Variants in FOXN1 observed in about 807,000 individuals in gnomAD.
FOXN1 encodes forkhead box N1, also known as forkhead box protein N1.
Under a neutral mutation model 49.0 loss-of-function variants are expected in FOXN1, and 15 were observed. That is an observed-to-expected ratio of 0.31 (90% CI 0.20 to 0.47). The LOEUF (loss-of-function observed/expected upper bound fraction) is 0.47. FOXN1 is among the 20% of genes least tolerant of loss of function. The probability of loss-of-function intolerance (pLI) is 1.00; values close to 1 mark genes in which losing one functional copy is unlikely to be tolerated. For synonymous variants in FOXN1, 356 were observed against 369.0 expected (o/e 0.96, Z 0.40); for missense variants, 800 against 842.8 (o/e 0.95, Z 0.63).
In FOXN1 at chr17:28,508,225, T is replaced by G. The variant is rs1479090653; in HGVS notation, c.-15+1782T>G. Among the ~76,000 whole-genome samples, 8 of 152,136 alleles carry G rather than the reference T, an allele frequency of 5.3e-5. No homozygotes were observed. The East Asian group carries it at 1.5e-3, about 29-fold the overall frequency. On this transcript the variant is annotated intron_variant, in intron 1 of 8. Transcript: ENST00000579795. ...TCTGGACCAGTGGGTCCTGGGAAAC[T>G]AGAGAAAAATTAGGGGGCTTAGGAC...
rs1211487793 is a variant in FOXN1, at chr17:28,537,244, C to A, written c.1755C>A (p.Pro585=). The A allele has an allele frequency of 6.2e-7, 1 of 1,613,934 alleles. No individual in the cohort carries two copies. The highest frequency in any genetic ancestry group is 1.7e-5 in the Admixed American group (1 of 60,002). ...QPPPHCFPPG[P]CLTETGSGAG... ...CACCTCACTGCTTCCCCCCTGGGCC[C>A]TGTCTGACAGAGACAGGCAGTGGGG... Residue 585 remains proline, a synonymous_variant, in exon 9 of 9, where the codon CCC becomes CCA. Coordinates refer to ENST00000579795, the MANE Select transcript of FOXN1 (RefSeq NM_001369369.1).
Sources: gnomAD v4.1 joint callset for allele counts (sites outside exome capture counted in the v4.1 genomes callset) on GRCh38, gnomAD v4.1.1 for gene constraint, MANE v1.5 for transcripts, NCBI Gene and HGNC (gene_info 2026-07-23, HGNC 2026-07-21) for gene names.